SPAG16: variants seen among roughly 807,000 people sequenced by gnomAD.
SPAG16 encodes sperm-associated antigen 16 protein.
Under a neutral mutation model 80.4 loss-of-function variants are expected in SPAG16, and 86 were observed. That is an observed-to-expected ratio of 1.07 (90% confidence interval 0.90 to 1.28). SPAG16 has a LOEUF of 1.28. Among genes scored for constraint, SPAG16 ranks in the 50% most tolerant of loss-of-function variants. The probability of loss-of-function intolerance (pLI) is 0.00; values close to 1 mark genes in which losing one functional copy is unlikely to be tolerated. For missense variants in SPAG16, 870 were observed against 765.3 expected (o/e 1.14, Z -1.61); for synonymous variants, 294 against 265.9 (o/e 1.11, Z -1.03).
At chr2:213,980,898 G>T (rs947586836) in intron 12 of SPAG16, among the ~76,000 whole-genome samples, 4 of 151,424 alleles carry the variant, frequency 2.6e-5, no homozygotes, top group Non-Finnish European at 4.4e-5. Flanking sequence ...GACAGAGCAA[G>T]ACTCTGTCTC....
At chr2:214,366,024 G>A (rs1699458845) in intron 15 of SPAG16, among the ~76,000 whole-genome samples, 1 of 151,228 alleles carries the variant, frequency 6.6e-6, no homozygotes, top group Admixed American at 6.6e-5. Context: ...TGTAGCCCAG[G>A]CCAGAGTGCA....
intron 15 of SPAG16, among the ~76,000 whole-genome samples, chr2:214,180,384 G>A (rs1338024931): frequency 2.0e-5 from 3 of 151,656 alleles, no homozygotes; most frequent in African/African-American, 7.2e-5. Flanking sequence ...ATTAATGGCT[G>A]TGATATTTCA....
At chr2:213,347,830 TA>T (rs1575300306) in intron 6 of SPAG16, among the ~76,000 whole-genome samples, 3 of 152,338 alleles carry the variant, frequency 2.0e-5, no homozygotes, top group Admixed American at 6.5e-5. Context: ...TTGGAATAAG[TA>T]CGGTGTGGTG....
At chr2:213,339,335 C>T (rs964710819) in intron 5 of SPAG16, among the ~76,000 whole-genome samples, 2 of 152,166 alleles carry the variant, frequency 1.3e-5, no homozygotes, top group Non-Finnish European at 2.9e-5. Flanking sequence ...GGTATCAGTC[C>T]ATTTTTCAGA....
chr2:214,263,549 T>G (rs1691332524), intron 15 of SPAG16, among the ~76,000 whole-genome samples: 1 of 152,328 alleles, frequency 6.6e-6, no homozygotes, highest in East Asian at 1.9e-4. Flanking sequence ...CTGTTATACT[T>G]CAAGGTCTCA....
intron 10 of SPAG16, among the ~76,000 whole-genome samples, chr2:213,734,672 G>C (rs778757584): frequency 6.6e-6 from 1 of 151,484 alleles, no homozygotes; most frequent in Non-Finnish European, 1.5e-5. Flanking sequence ...AGAATGCTAT[G>C]GGTTCTTCTT....
At chr2:214,335,707 G>A (rs1439101651) in intron 15 of SPAG16, among the ~76,000 whole-genome samples, 1 of 143,640 alleles carries the variant, frequency 7.0e-6, no homozygotes, top group Non-Finnish European at 1.5e-5. Flanking sequence ...TCTTTCCTGT[G>A]TTATGTTTAG....
intron 10 of SPAG16, among the ~76,000 whole-genome samples, chr2:213,814,057 AAG>A (rs1230338253): frequency 6.6e-6 from 1 of 152,098 alleles, no homozygotes; most frequent in Non-Finnish European, 1.5e-5. Flanking sequence ...GAGAGACTGA[AAG>A]AGAGATGAAT....
intron 9 of SPAG16, among the ~76,000 whole-genome samples, chr2:213,428,719 A>G (rs1316650515): frequency 1.3e-5 from 2 of 152,210 alleles, no homozygotes; most frequent in Admixed American, 1.3e-4. Flanking sequence ...GACTAAAGGT[A>G]TACTGCACAT....
intron 7 of SPAG16, 91 bp downstream of exon 7, chr2:213,350,736 AT>A: frequency 1.4e-6 from 1 of 723,168 alleles, no homozygotes; most frequent in South Asian, 2.6e-5. Context: ...TCTGAGATTA[AT>A]TTTAAAACAT....
chr2:214,392,917 C>T (rs1156793599), intron 15 of SPAG16, among the ~76,000 whole-genome samples: 1 of 152,144 alleles, frequency 6.6e-6, no homozygotes, highest in East Asian at 1.9e-4. Flanking sequence ...CTAATATTCT[C>T]TCTTAATAGG....
intron 12 of SPAG16, among the ~76,000 whole-genome samples, chr2:213,965,590 T>A (rs1171774056): frequency 6.6e-6 from 1 of 152,224 alleles, no homozygotes; most frequent in Non-Finnish European, 1.5e-5. Flanking sequence ...AGCAGCCTTT[T>A]TCCTTGATTC....
At chr2:213,841,315 A>T (rs1248110213) in intron 10 of SPAG16, among the ~76,000 whole-genome samples, 2 of 152,198 alleles carry the variant, frequency 1.3e-5, no homozygotes. Flanking sequence ...GGGGCATGAC[A>T]TAAGGGTAGT....
At chr2:214,391,653 T>G (rs1701085548) in intron 15 of SPAG16, among the ~76,000 whole-genome samples, 1 of 152,142 alleles carries the variant, frequency 6.6e-6, no homozygotes, top group Non-Finnish European at 1.5e-5. Context: ...GTAACTGACT[T>G]AACAGAGTGG....
chr2:213,580,159 A>G (rs568262706), intron 10 of SPAG16, among the ~76,000 whole-genome samples: 121 of 152,144 alleles, frequency 8.0e-4, no homozygotes, highest in Non-Finnish European at 8.2e-4. Flanking sequence ...AGAGAGGAAT[A>G]TCCTTATCCC....
At chr2:214,393,563 ATAAT>A (rs1387892554) in intron 15 of SPAG16, among the ~76,000 whole-genome samples, 14 of 150,912 alleles carry the variant, frequency 9.3e-5, no homozygotes, top group Non-Finnish European at 1.2e-4. Context: ...TATATAAAAT[ATAAT>A]TAATGAAAAT....
chr2:213,696,659 G>GA (rs2065165941), intron 10 of SPAG16, among the ~76,000 whole-genome samples: 1 of 152,138 alleles, frequency 6.6e-6, no homozygotes, highest in African/African-American at 2.4e-5. Context: ...AGCTAAAAAA[G>GA]AAAAAGATGC....
intron 11 of SPAG16, among the ~76,000 whole-genome samples, chr2:213,915,643 C>T (rs1397998626): frequency 6.6e-6 from 1 of 152,126 alleles, no homozygotes; most frequent in East Asian, 1.9e-4. Context: ...GGTATATGCC[C>T]AGTAACGGGA....
intron 9 of SPAG16, among the ~76,000 whole-genome samples, chr2:213,440,350 C>A (rs2070868054): frequency 6.6e-6 from 1 of 151,960 alleles, no homozygotes; most frequent in Admixed American, 6.6e-5. Context: ...GAGATTGAGA[C>A]CATCCTGGCT....
Sources: allele counts gnomAD v4.1 joint callset (sites outside exome capture counted in the v4.1 genomes callset), GRCh38; gene constraint gnomAD v4.1.1; transcripts MANE v1.5; gene names NCBI Gene and HGNC (gene_info 2026-07-23, HGNC 2026-07-21).